SCRG1: variants seen among roughly 807,000 people sequenced by gnomAD.
SCRG1 encodes scrapie-responsive protein 1.
In SCRG1, 3 loss-of-function variants were observed where a neutral mutation model predicts 7.7. The ratio of observed to expected loss-of-function variants is 0.39; its 90% confidence interval spans 0.18 to 1.01. SCRG1 has a LOEUF of 1.01. Ranked by LOEUF, SCRG1 falls within the 50% of genes least tolerant of loss-of-function variation. SCRG1 has a pLI of 0.36. For synonymous variants in SCRG1, 46 were observed against 41.2 expected (o/e 1.12, Z -0.44); for missense variants, 110 against 117.2 (o/e 0.94, Z 0.28).
the SCRG1 span, among the ~76,000 whole-genome samples, chr4:173,478,450 G>C: frequency 2.6e-5 from 4 of 152,248 alleles, no homozygotes; most frequent in African/African-American, 7.2e-5. Context: ...GCTTGGGTTT[G>C]GGTAGTTTCC....
At chr4:173,455,599 T>C in the SCRG1 span, among the ~76,000 whole-genome samples, 1 of 152,166 alleles carries the variant, frequency 6.6e-6, no homozygotes, top group African/African-American at 2.4e-5. Context: ...CCTGGAAGTT[T>C]GCATAGCAGC....
the SCRG1 span, among the ~76,000 whole-genome samples, chr4:173,483,235 A>AATATATGATATATC: frequency 1.2e-4 from 5 of 42,268 alleles, no homozygotes; most frequent in South Asian, 6.6e-3. Flanking sequence ...TATTATATAT[A>AATATATGATATATC]ATATATGATA....
At chr4:173,418,682 C>G in the SCRG1 span, among the ~76,000 whole-genome samples, 1 of 152,122 alleles carries the variant, frequency 6.6e-6, no homozygotes, top group African/African-American at 2.4e-5. Flanking sequence ...AATCTCATGT[C>G]AAATTGTAAT....
At chr4:173,452,646 T>C in the SCRG1 span, among the ~76,000 whole-genome samples, 2 of 152,230 alleles carry the variant, frequency 1.3e-5, no homozygotes, top group Non-Finnish European at 2.9e-5. Flanking sequence ...ATTCATTCTT[T>C]CCTATTCCCT....
chr4:173,483,727 TATCATATATATG>T, the SCRG1 span, among the ~76,000 whole-genome samples: 8 of 39,426 alleles, frequency 2.0e-4, 4 homozygotes, highest in East Asian at 3.5e-3. Context: ...TATTGTGATA[TATCATATATATG>T]ATATATTATA....
At chr4:173,499,967 T>C in the SCRG1 span, among the ~76,000 whole-genome samples, 1 of 152,232 alleles carries the variant, frequency 6.6e-6, no homozygotes, top group Non-Finnish European at 1.5e-5. The surrounding 1 kb of genome is among the most constrained non-coding windows in gnomAD (Gnocchi z 4.1). Flanking sequence ...AAACTGCGCC[T>C]AAGTACTACA....
the SCRG1 span, among the ~76,000 whole-genome samples, chr4:173,445,594 G>A: frequency 3.2e-5 from 3 of 94,674 alleles, no homozygotes; most frequent in Non-Finnish European, 6.9e-5. Context: ...AAAAAAAAAA[G>A]AAAAGAAAAT....
chr4:173,455,457 A>G, the SCRG1 span, among the ~76,000 whole-genome samples: 1 of 152,110 alleles, frequency 6.6e-6, no homozygotes, highest in South Asian at 2.1e-4. Context: ...AGTCTTTTTA[A>G]TGGGAAGTCC....
chr4:173,421,423 G>A, the SCRG1 span, among the ~76,000 whole-genome samples: 1 of 151,464 alleles, frequency 6.6e-6, no homozygotes, highest in Non-Finnish European at 1.5e-5. Flanking sequence ...TGTTGGGGGG[G>A]GGTTGATTTG....
chr4:173,509,567 C>T, the SCRG1 span, among the ~76,000 whole-genome samples: 30 of 152,154 alleles, frequency 2.0e-4, no homozygotes, highest in Non-Finnish European at 7.4e-5. The surrounding 1 kb of genome is among the most constrained non-coding windows in gnomAD (Gnocchi z 5.7). Flanking sequence ...TGGCGGCTGC[C>T]GGGCAAAAAC....
chr4:173,477,478 A>T, the SCRG1 span, among the ~76,000 whole-genome samples: 1 of 152,030 alleles, frequency 6.6e-6, no homozygotes, highest in Non-Finnish European at 1.5e-5. Flanking sequence ...TTTAGCACAC[A>T]CCCTATGGAG....
chr4:173,491,613 AG>A, the SCRG1 span, among the ~76,000 whole-genome samples: 1 of 152,220 alleles, frequency 6.6e-6, no homozygotes. Flanking sequence ...CTGCAAGTAC[AG>A]GGTTCTAAGG....
At chr4:173,437,261 C>T in the SCRG1 span, among the ~76,000 whole-genome samples, 2 of 152,148 alleles carry the variant, frequency 1.3e-5, no homozygotes, top group Non-Finnish European at 2.9e-5. Flanking sequence ...CCAAAATAGA[C>T]ACATACACAC....
At chr4:173,471,133 A>G in the SCRG1 span, among the ~76,000 whole-genome samples, 2 of 152,354 alleles carry the variant, frequency 1.3e-5, no homozygotes, top group Admixed American at 1.3e-4. Context: ...GTAGAGTCAT[A>G]GTCAGAAAAA....
the SCRG1 span, among the ~76,000 whole-genome samples, chr4:173,433,254 A>T: frequency 3.9e-5 from 6 of 152,230 alleles, no homozygotes; most frequent in Non-Finnish European, 5.9e-5. Context: ...AATTTTAGAA[A>T]TAATTAAACA....
At chr4:173,396,878 C>A (rs1166008747) in intron 1 of SCRG1, among the ~76,000 whole-genome samples, 1 of 151,902 alleles carries the variant, frequency 6.6e-6, no homozygotes, top group Admixed American at 6.6e-5. Context: ...CATGGTGAAA[C>A]CCCATCTCTA....
At chr4:173,399,491 T>TGTGTGTGTGTG (rs397878954), upstream of SCRG1, 1 of 49,318 alleles carries the variant, frequency 2.0e-5, no homozygotes, top group South Asian at 8.4e-4. Flanking sequence ...TGTGTGTGTG[T>TGTGTGTGTGTG]TTGTGTGTCT....
intron 2 of SCRG1, among the ~76,000 whole-genome samples, chr4:173,390,210 A>AT (rs1048870934): frequency 2.6e-5 from 4 of 151,626 alleles, no homozygotes; most frequent in Non-Finnish European, 4.4e-5. Flanking sequence ...TGCCTGGCTA[A>AT]TTTTTTTTGT....
the SCRG1 span, among the ~76,000 whole-genome samples, chr4:173,427,046 G>A: frequency 6.6e-6 from 1 of 152,274 alleles, no homozygotes; most frequent in African/African-American, 2.4e-5. Context: ...TAATCTTCAT[G>A]AGCATATAGA....
Sources: gnomAD v4.1 joint callset for allele counts (sites outside exome capture counted in the v4.1 genomes callset) on GRCh38, gnomAD v4.1.1 for gene constraint, Gnocchi (gnomAD v3.1) non-coding constraint, MANE v1.5 for transcripts, NCBI Gene and HGNC (gene_info 2026-07-23, HGNC 2026-07-21) for gene names.